NABP2: variants seen among roughly 807,000 people sequenced by gnomAD.
NABP2 encodes nucleic acid binding protein 2, also known as SOSS complex subunit B1.
In NABP2, 7 loss-of-function variants were observed where a neutral mutation model predicts 22.7. The ratio of observed to expected loss-of-function variants is 0.31; its 90% confidence interval spans 0.18 to 0.58. The LOEUF is 0.58. Ranked by LOEUF, NABP2 falls within the 20% of genes least tolerant of loss-of-function variation. The probability of loss-of-function intolerance (pLI) is 0.89; values close to 1 mark genes in which losing one functional copy is unlikely to be tolerated. For synonymous variants in NABP2, 107 were observed against 99.2 expected, an observed-to-expected ratio of 1.08 and a Z score of -0.47; for missense variants, 188 against 265.9, an observed-to-expected ratio of 0.71 and a Z score of 2.04.
chr12:56,229,087 T>TTGGCCC lies in NABP2; in HGVS notation c.510_511insTGGCCC (p.Thr170_Pro171insTrpPro). ...GTGGTGGCCCACATCCCCCTCATAC[T>TTGGCCC]CCCTCCCACCCACCCAGCACCCGAA... On this transcript the variant is annotated inframe_insertion, in exon 7 of 7. Transcript: ENST00000267023. 7.3e-6 allele frequency: 11 copies of TTGGCCC among 1,512,316 alleles called. No individual in the cohort carries two copies. Among genetic ancestry groups the TTGGCCC allele is most frequent in the Non-Finnish European group, 9.1e-6 (10 of 1,101,990 alleles). 93.7% of individuals were successfully genotyped at this position (1,512,316 alleles called of 1,614,324 possible).
At position 56,225,704 on chromosome 12, in the gene NABP2, T is replaced by C; in HGVS notation, c.290+9T>C. Reference sequence around the variant, plus strand: ...CTGCAGAAGATTGGAGAGTAAGTGCTGTCTTGGGGATTGGGATGAAGAAGC... The same window carrying C: ...CTGCAGAAGATTGGAGAGTAAGTGCCGTCTTGGGGATTGGGATGAAGAAGC... On this transcript the variant is annotated intron_variant, in intron 4 of 6. Coordinates refer to ENST00000267023, the MANE Select transcript of NABP2 (RefSeq NM_024068.4). 1 of 1,614,180 alleles carries C rather than the reference T, an allele frequency of 6.2e-7. No homozygotes were observed. The highest frequency in any genetic ancestry group is 1.3e-5 in the African/African-American group (1 of 75,054).
chr12:56,225,237 T>G (rs1433816765), intron 2 of NABP2, 136 bp from the exon 3 acceptor site: 4 of 1,185,908 alleles, frequency 3.4e-6, no homozygotes, highest in Non-Finnish European at 4.9e-6. Context: ...CAACCCTTTA[T>G]GCCCCAGGGA....
rs750518569 is a variant in NABP2 at position 56,225,428 on chromosome 12, C to T, written c.135C>T (p.Asp45=). Residue 45 remains aspartate (D), a synonymous_variant, in exon 3 of 7, where the codon GAC becomes GAT. Transcript: ENST00000267023. The part of the protein sequence containing the change: ...GHEVRTCKVA[D]KTGSINISVW... ...AGGTTCGGACCTGCAAAGTGGCGGA[C>T]AAAACAGGCAGCATCAATATCTCTG... 1.2e-6 allele frequency: 2 copies of T among 1,614,194 alleles called. No homozygotes were observed. The highest frequency in any genetic ancestry group is 3.3e-5 in the Admixed American group (2 of 60,022).
chr12:56,222,579 C>T (rs1264408311), upstream of NABP2, among the ~76,000 whole-genome samples: 6 of 152,260 alleles, frequency 3.9e-5, no homozygotes, highest in Admixed American at 2.0e-4. Context: ...ATTTCCTTAG[C>T]TTACAACACC....
At chr12:56,225,940 C>G (rs1211584323) in intron 4 of NABP2, among the ~76,000 whole-genome samples, 1 of 152,162 alleles carries the variant, frequency 6.6e-6, no homozygotes, top group African/African-American at 2.4e-5. Context: ...GCTGAGACTA[C>G]AGGCGTGCTT....
At chr12:56,223,694 A>C (rs1292565369), upstream of NABP2, 3 of 152,248 alleles carry the variant, frequency 2.0e-5, no homozygotes, top group Admixed American at 6.5e-5. Context: ...AGAACCCCAA[A>C]TCAGGAACAA....
At chr12:56,224,979 G>C in intron 2 of NABP2, 44 bp downstream of exon 2, 5 of 1,334,508 alleles carry the variant, frequency 3.7e-6, no homozygotes, top group Non-Finnish European at 5.3e-6. Flanking sequence ...GGGGTCGGGG[G>C]CAGGAGGGGA....
At chr12:56,227,299 C>A (rs1395369710) in intron 6 of NABP2, among the ~76,000 whole-genome samples, 3 of 150,594 alleles carry the variant, frequency 2.0e-5, no homozygotes, top group Non-Finnish European at 4.4e-5. Flanking sequence ...TGGCTTGAAC[C>A]TGGGAAGTGG....
intron 1 of NABP2, 25 bp from the exon 2 acceptor site, chr12:56,224,809 C>G: frequency 6.3e-7 from 1 of 1,593,016 alleles, no homozygotes; most frequent in East Asian, 2.2e-5. Flanking sequence ...AAGCATTGAG[C>G]CTTCATCCTC....
chr12:56,229,156 C>T lies in NABP2; in HGVS notation c.579C>T (p.Gly193=). Residue 193 remains glycine, a synonymous_variant, in exon 7 of 7, where the codon GGC becomes GGT. Coordinates refer to ENST00000267023, the MANE Select transcript of NABP2 (RefSeq NM_024068.4). ...ACCACACACCTGCAGGCCCGCCTGG[C>T]CCTTCCAGCAACCCTGTTAGTAACG... ...QPNHTPAGPP[G]PSSNPVSNGK... The T allele has an allele frequency of 6.4e-7, 1 of 1,570,990 alleles. No individual in the cohort carries two copies. The highest frequency in any genetic ancestry group is 8.6e-7 in the Non-Finnish European group (1 of 1,156,582).
At chr12:56,222,505 T>C (rs1400097318), upstream of NABP2, among the ~76,000 whole-genome samples, 3 of 152,002 alleles carry the variant, frequency 2.0e-5, no homozygotes, top group African/African-American at 7.3e-5. Context: ...ACTTGTGGAG[T>C]TCCCTGAAAC....
intron 5 of NABP2, 47 bp downstream of exon 5, chr12:56,226,307 A>C (rs769851492): frequency 8.7e-6 from 14 of 1,613,860 alleles, no homozygotes; most frequent in Non-Finnish European, 2.5e-6. Context: ...AGATCAAGAC[A>C]AGAAGCATGG....
upstream of NABP2, chr12:56,223,555 G>A (rs1357641870): frequency 2.0e-5 from 3 of 147,328 alleles, no homozygotes; most frequent in East Asian, 5.9e-4. Context: ...AAAAAAAAGG[G>A]ACTAACAATG....
In NABP2 at chr12:56,225,772, A is replaced by G. The variant is rs1869733130; in HGVS notation, c.290+77A>G. Reference sequence around the variant, plus strand: ...TGCAAGGAGGCAGCATAGGGTGTGCAGTCCAAGCCTCATTTCTGGACTTTT... The same window carrying G: ...TGCAAGGAGGCAGCATAGGGTGTGCGGTCCAAGCCTCATTTCTGGACTTTT... On this transcript the variant is annotated intron_variant, in intron 4 of 6. Coordinates refer to ENST00000267023, the MANE Select transcript of NABP2 (RefSeq NM_024068.4). 4 of 1,374,884 alleles carry G rather than the reference A, an allele frequency of 2.9e-6. No homozygotes were observed. The African/African-American group carries it at 4.3e-5, about 15-fold the overall frequency. The allele number at this position is 1,374,884 out of a possible 1,614,324, so 85.2% of individuals were successfully genotyped here. A position where few individuals can be genotyped will look rare whatever the true frequency, so the allele number is the denominator to read the frequency against.
intron 3 of NABP2, 36 bp from the exon 4 acceptor site, chr12:56,225,588 C>G (rs1357088928): frequency 8.7e-6 from 14 of 1,614,038 alleles, no homozygotes; most frequent in Non-Finnish European, 1.2e-5. Context: ...TATAACACTT[C>G]TGAGTACTGA....
chr12:56,229,087 T>TGGGGGGCC lies in NABP2; in HGVS notation c.510_511insGGGGGGCC (p.Pro171GlyfsTer65). The TGGGGGGCC allele has an allele frequency of 6.6e-7, 1 of 1,512,346 alleles. No individual in the cohort carries two copies. Among genetic ancestry groups the TGGGGGGCC allele is most frequent in the Non-Finnish European group, 9.1e-7 (1 of 1,102,014 alleles). 93.7% of individuals were successfully genotyped at this position (1,512,346 alleles called of 1,614,324 possible). ...GTGGTGGCCCACATCCCCCTCATACTCCCTCCCACCCACCCAGCACCCGAA... is the reference window on the plus strand; with the variant it reads ...GTGGTGGCCCACATCCCCCTCATACTGGGGGGCCCCCTCCCACCCACCCAGCACCCGAA... On this transcript the variant is annotated frameshift_variant, in exon 7 of 7. Coordinates refer to ENST00000267023, the MANE Select transcript of NABP2 (RefSeq NM_024068.4). LOFTEE classifies it high-confidence loss of function.
chr12:56,224,483 C>A, intron 1 of NABP2, 42 bp downstream of exon 1: 1 of 1,062,544 alleles, frequency 9.4e-7, no homozygotes, highest in South Asian at 3.1e-5. Flanking sequence ...TGGACCGAGT[C>A]CCGGCTTGTC....
At position 56,226,913 on chromosome 12, in the gene NABP2, G is replaced by A. The variant is rs1869800186; in HGVS notation, c.436+494G>A. Reference sequence around the variant, plus strand: ...TAATTTTTTGTATTTTAGTAGAGACGGGGTTTCACCATGTTGCCCAGGCTG... The same window carrying A: ...TAATTTTTTGTATTTTAGTAGAGACAGGGTTTCACCATGTTGCCCAGGCTG... On this transcript the variant is annotated intron_variant, in intron 6 of 6. Coordinates refer to ENST00000267023, the MANE Select transcript of NABP2 (RefSeq NM_024068.4). Among the ~76,000 whole-genome samples the A allele has an allele frequency of 4.0e-5, 6 of 150,826 alleles. No homozygotes were observed. In the South Asian group the frequency reaches 1.3e-3, roughly 32 times the overall value.
chr12:56,225,791 G>C, intron 4 of NABP2, 96 bp downstream of exon 4: 1 of 1,248,382 alleles, frequency 8.0e-7, no homozygotes, highest in South Asian at 1.2e-5. Context: ...CTCATTTCTG[G>C]ACTTTTTCTG....
Sources: gnomAD v4.1 joint callset for allele counts (sites outside exome capture counted in the v4.1 genomes callset) on GRCh38, gnomAD v4.1.1 for gene constraint, MANE v1.5 for transcripts, NCBI Gene and HGNC (gene_info 2026-07-23, HGNC 2026-07-21) for gene names.